NEK4: variants seen among roughly 807,000 people sequenced by gnomAD.
NEK4 encodes the protein serine/threonine-protein kinase Nek4.
Under a neutral mutation model 98.4 loss-of-function variants are expected in NEK4, and 86 were observed. The ratio of observed to expected loss-of-function variants is 0.87; its 90% CI spans 0.73 to 1.05. NEK4 has a LOEUF of 1.05. Ranked by LOEUF, NEK4 falls within the 50% of genes least tolerant of loss-of-function variation. The pLI is 0.00. For missense variants in NEK4, 898 were observed against 950.3 expected, an observed-to-expected ratio of 0.94 and a Z score of 0.72; for synonymous variants, 328 against 342.2, an observed-to-expected ratio of 0.96 and a Z score of 0.46.
chr3:52,764,236 G>A (rs940827263), intron 4 of NEK4, among the ~76,000 whole-genome samples: 1 of 150,020 alleles, frequency 6.7e-6, no homozygotes, highest in Non-Finnish European at 1.5e-5. Context: ...GCGGTGAGCC[G>A]AGATCACGCC....
intron 15 of NEK4, among the ~76,000 whole-genome samples, chr3:52,736,581 G>A (rs1024807858): frequency 9.6e-5 from 14 of 145,862 alleles, no homozygotes; most frequent in South Asian, 6.4e-4. Flanking sequence ...GCGAGACTCC[G>A]TCTCATAAAA....
At chr3:52,744,602 T>C (rs1243840248) in intron 10 of NEK4, among the ~76,000 whole-genome samples, 2 of 149,846 alleles carry the variant, frequency 1.3e-5, no homozygotes, top group East Asian at 2.0e-4. Flanking sequence ...GAGAATTGCT[T>C]GAACCTGGGA....
chr3:52,753,846 T>A, intron 6 of NEK4: 1 of 398,322 alleles, frequency 2.5e-6, no homozygotes, highest in South Asian at 2.0e-5. Context: ...TGGTTTGGAC[T>A]AATATTCATA....
intron 8 of NEK4, 138 bp downstream of exon 8, chr3:52,749,554 C>A (rs766200713): frequency 1.4e-4 from 22 of 154,122 alleles, no homozygotes; most frequent in Admixed American, 2.6e-4. Context: ...ATGCTCAAGG[C>A]TGGGCACGGT....
rs6764991 is a variant in NEK4 at position 52,754,608 on chromosome 3, A to G, written c.964-2272T>C. The G allele has an allele frequency of 3.2e-3, 3,103 of 964,082 alleles. 73 individuals are homozygous for G. The African/African-American group carries it at 0.045, about 14-fold the overall frequency. The allele number at this position is 964,082 out of a possible 1,614,324, so 59.7% of individuals were successfully genotyped here. On this transcript the variant is annotated intron_variant, in intron 6 of 15. Transcript: ENST00000233027. ...TCAGAAAAGCCTGAAGAACAGCACAATAAGTGTACGTGTCGCCGGCCTGTC... is the reference window on the plus strand; with the variant it reads ...TCAGAAAAGCCTGAAGAACAGCACAGTAAGTGTACGTGTCGCCGGCCTGTC...
At position 52,755,069 on chromosome 3, in the gene NEK4, G is replaced by A. The variant is rs145387916; in HGVS notation, c.964-2733C>T. ...AGCCTGGGCGACAGAGCAAGACTCC[G>A]TCTCAAAAAAAAAAAAAAGAAAAAA... On this transcript the variant is annotated intron_variant, in intron 6 of 15. Coordinates refer to ENST00000233027, the MANE Select transcript of NEK4 (RefSeq NM_003157.6). Among the ~76,000 whole-genome samples, 489 of 127,200 alleles carry A rather than the reference G, an allele frequency of 3.8e-3. 5 individuals are homozygous for A. The highest frequency in any genetic ancestry group is 0.013 in the African/African-American group (442 of 33,584). The allele number at this position is 127,200 out of a possible 152,430, so 83.4% of individuals were successfully genotyped here.
At chr3:52,748,067 C>G (rs2097399345) in intron 8 of NEK4, among the ~76,000 whole-genome samples, 1 of 151,964 alleles carries the variant, frequency 6.6e-6, no homozygotes, top group Non-Finnish European at 1.5e-5. Context: ...TCACGCCATT[C>G]TCCTGCCTCA....
At chr3:52,740,347 C>A (rs991810824) in intron 13 of NEK4, among the ~76,000 whole-genome samples, 1 of 151,300 alleles carries the variant, frequency 6.6e-6, no homozygotes, top group Non-Finnish European at 1.5e-5. Context: ...AAGAGAGACA[C>A]AAAGACATTA....
chr3:52,720,112 G>A (rs571798203), intron 15 of NEK4, among the ~76,000 whole-genome samples: 37 of 152,094 alleles, frequency 2.4e-4, no homozygotes, highest in African/African-American at 6.5e-4. Flanking sequence ...GTGAACCCCC[G>A]TCTCTACTAA....
At chr3:52,723,977 T>C (rs1166605357) in intron 15 of NEK4, among the ~76,000 whole-genome samples, 1 of 152,128 alleles carries the variant, frequency 6.6e-6, no homozygotes, top group Non-Finnish European at 1.5e-5. Context: ...TCACACCTGC[T>C]ATCCTAGCAT....
At position 52,770,898 on chromosome 3, in the gene NEK4, C is replaced by G; in HGVS notation, c.-152G>C. 1 of 636,012 alleles carries G rather than the reference C, an allele frequency of 1.6e-6. No homozygotes were observed. The highest frequency in any genetic ancestry group is 1.9e-5 in the South Asian group (1 of 52,402). 39.4% of individuals were successfully genotyped at this position (636,012 alleles called of 1,614,324 possible). On this transcript the variant is annotated 5_prime_UTR_variant, in exon 1 of 16. Transcript: ENST00000233027. ...GGCGGGATTGCTGGGGCCCGGCCCG[C>G]GACGACGCCGCTGCCATAGCGATCC...
intron 2 of NEK4, among the ~76,000 whole-genome samples, chr3:52,767,992 A>C (rs969009295): frequency 1.4e-4 from 21 of 152,324 alleles, no homozygotes; most frequent in South Asian, 8.3e-4. Flanking sequence ...CATATCAATT[A>C]GCCTAGCCAC....
chr3:52,752,923 T>TACACACACACACACACACAC (rs1559441314), intron 6 of NEK4, among the ~76,000 whole-genome samples: 1 of 54,570 alleles, frequency 1.8e-5, no homozygotes, highest in African/African-American at 7.3e-5. Flanking sequence ...AAAAAATATA[T>TACACACACACACACACACAC]ATATATATAT....
At chr3:52,747,735 A>G (rs2154104692) in intron 8 of NEK4, among the ~76,000 whole-genome samples, 1 of 151,782 alleles carries the variant, frequency 6.6e-6, no homozygotes, top group Non-Finnish European at 1.5e-5. Flanking sequence ...ACTGGAGGCC[A>G]CGAGTTCAAG....
chr3:52,736,204 G>A (rs976742118), intron 15 of NEK4, among the ~76,000 whole-genome samples: 6 of 152,128 alleles, frequency 3.9e-5, no homozygotes, highest in African/African-American at 1.4e-4. Context: ...TGGTTCTTAT[G>A]TATTTTTGGC....
intron 6 of NEK4, among the ~76,000 whole-genome samples, chr3:52,759,091 A>T (rs1196250086): frequency 2.2e-5 from 3 of 138,648 alleles, no homozygotes; most frequent in African/African-American, 7.6e-5. Context: ...ATCCTCTCTT[A>T]AAAAAAGAAA....
intron 9 of NEK4, among the ~76,000 whole-genome samples, 190 bp downstream of exon 9, chr3:52,746,544 G>C (rs2097396431): frequency 6.6e-6 from 1 of 152,202 alleles, no homozygotes; most frequent in Admixed American, 6.5e-5. Context: ...CTTTGCTGGA[G>C]AAGATAAAAT....
intron 15 of NEK4, among the ~76,000 whole-genome samples, chr3:52,714,390 G>A (rs1319881004): frequency 6.6e-6 from 1 of 152,244 alleles, no homozygotes; most frequent in Non-Finnish European, 1.5e-5. Flanking sequence ...GCAGAAGGGA[G>A]GTGTGAGCGG....
chr3:52,737,499 G>A (rs762464864), intron 15 of NEK4, 87 bp downstream of exon 15: 4 of 1,381,656 alleles, frequency 2.9e-6, no homozygotes, highest in Non-Finnish European at 3.1e-6. Context: ...TTAGATGAGT[G>A]AATTGTTATG....
Sources: allele counts gnomAD v4.1 joint callset (sites outside exome capture counted in the v4.1 genomes callset), GRCh38; gene constraint gnomAD v4.1.1; transcripts MANE v1.5; gene names NCBI Gene and HGNC (gene_info 2026-07-23, HGNC 2026-07-21).